The following PIN4 variants were observed in gnomAD, a reference collection of about 807,000 sequenced individuals.
The protein encoded by PIN4 is peptidylprolyl cis/trans isomerase, NIMA-interacting 4.
In PIN4, 3 loss-of-function variants were observed where a neutral mutation model predicts 8.3. The observed-to-expected ratio is 0.36, with a 90% CI of 0.16 to 0.93. The LOEUF (loss-of-function observed/expected upper bound fraction) is 0.93, where lower values mean the gene tolerates loss of function less well. PIN4 is among the 40% of genes least tolerant of loss of function. The probability of loss-of-function intolerance (pLI) is 0.44; values close to 1 mark genes in which losing one functional copy is unlikely to be tolerated. For synonymous variants in PIN4, 18 were observed against 32.5 expected (o/e 0.55, Z 1.52); for missense variants, 75 against 100.6 (o/e 0.75, Z 1.09).
At chrX:72,249,332 A>T (rs2043078535) in intron 3 of PIN4, among the ~76,000 whole-genome samples, 1 of 112,627 alleles carries the variant, frequency 8.9e-6, no homozygotes, top group African/African-American at 3.2e-5. Context: ...AAGATATGGA[A>T]CAACTGTAAG....
At chrX:72,199,483 A>G (rs909026059), downstream of PIN4, among the ~76,000 whole-genome samples, 3 of 112,174 alleles carry the variant, frequency 2.7e-5, no homozygotes, top group Non-Finnish European at 5.6e-5. Flanking sequence ...TGCTGCAATG[A>G]GCTGAGATTA....
intron 2 of PIN4, among the ~76,000 whole-genome samples, chrX:72,192,079 G>A (rs2042738193): frequency 2.7e-5 from 3 of 110,703 alleles, no homozygotes; most frequent in Non-Finnish European, 5.7e-5. Context: ...AGCCTCCCGA[G>A]TAGCTGGGAT....
downstream of PIN4, among the ~76,000 whole-genome samples, chrX:72,201,982 G>T (rs1308505538): frequency 8.9e-6 from 1 of 112,683 alleles, no homozygotes; most frequent in Non-Finnish European, 1.9e-5. Context: ...GGATTCCATT[G>T]GTTACTTGGG....
At chrX:72,194,629 G>GA (rs1206579835) in intron 2 of PIN4, among the ~76,000 whole-genome samples, 1 of 105,929 alleles carries the variant, frequency 9.4e-6, no homozygotes, top group Non-Finnish European at 1.9e-5. Context: ...TTGAACTAAG[G>GA]AGGGGGAGGT....
At chrX:72,183,615 A>C (rs1485951473) in intron 1 of PIN4, among the ~76,000 whole-genome samples, 1 of 112,134 alleles carries the variant, frequency 8.9e-6, no homozygotes, top group Non-Finnish European at 1.9e-5. Context: ...CAGAAGCCAG[A>C]TTACCGTGAC....
intron 2 of PIN4, 28 bp from the exon 3 acceptor site, chrX:72,196,757 A>G: frequency 1.7e-6 from 2 of 1,187,589 alleles, no homozygotes; most frequent in Non-Finnish European, 1.1e-6. Flanking sequence ...GTCTCCAAGT[A>G]TTACATGAAT....
In PIN4 at chrX:72,188,400, C is replaced by T. The variant is rs142517043; in HGVS notation, c.117+1866C>T. On this transcript the variant is annotated intron_variant, in intron 2 of 3. Transcript: ENST00000373669. ...GAGACGGAGTTTCACTCTTGTTGTC[C>T]AGGCTGGAGTGCAATGGCACGATCT... Among the ~76,000 whole-genome samples, 926 of 111,182 alleles carry T rather than the reference C, an allele frequency of 8.3e-3. 8 individuals are homozygous for T. The highest frequency in any genetic ancestry group is 0.029 in the African/African-American group (883 of 30,586).
chrX:72,237,075 T>C (rs1261545708), intron 3 of PIN4, among the ~76,000 whole-genome samples: 1 of 112,475 alleles, frequency 8.9e-6, no homozygotes, highest in African/African-American at 3.2e-5. Context: ...TGAATGGCAA[T>C]TTTAAATACA....
Position 72,198,340 on chromosome X carries a change from A to G in PIN4, c.*814A>G. 1 of 735,728 alleles carries G rather than the reference A, an allele frequency of 1.4e-6. No individual in the cohort carries two copies. Among genetic ancestry groups the G allele is most frequent in the African/African-American group, 2.3e-5 (1 of 43,636 alleles). 60.6% of individuals were successfully genotyped at this position (735,728 alleles called of 1,213,427 possible). A position where few individuals can be genotyped will look rare whatever the true frequency, so the allele number is the denominator to read the frequency against. On this transcript the variant is annotated 3_prime_UTR_variant, in exon 4 of 4. Coordinates refer to ENST00000373669, the MANE Select transcript of PIN4 (RefSeq NM_006223.4). Reference sequence around the variant, plus strand: ...TTCAAAAATAAAACTTTGCCAACACAGCTATGTGATTCTTAACAGATTATT... The same window carrying G: ...TTCAAAAATAAAACTTTGCCAACACGGCTATGTGATTCTTAACAGATTATT...
intron 3 of PIN4, among the ~76,000 whole-genome samples, chrX:72,232,445 G>A (rs370061975): frequency 8.0e-4 from 80 of 100,378 alleles, no homozygotes; most frequent in African/African-American, 3.0e-3. Flanking sequence ...AAAAGACATG[G>A]CATTCCAACA....
intron 2 of PIN4, among the ~76,000 whole-genome samples, chrX:72,189,663 T>G (rs996206293): frequency 2.7e-5 from 3 of 112,010 alleles, no homozygotes; most frequent in African/African-American, 9.8e-5. Flanking sequence ...ATGCTCATTA[T>G]AGCATTTCAG....
At chrX:72,207,273 A>C in intron 3 of PIN4, 1 of 1,210,826 alleles carries the variant, frequency 8.3e-7, no homozygotes. Context: ...TAAAGTGCCT[A>C]TTCTTTAAGA....
At position 72,181,811 on chromosome X, in the gene PIN4, C is replaced by G. The variant is rs919695845; in HGVS notation, c.26C>G (p.Ser9Cys). The G allele has an allele frequency of 1.7e-6, 2 of 1,169,205 alleles. No homozygotes were observed. Among genetic ancestry groups the G allele is most frequent in the Middle Eastern group, 2.5e-4 (1 of 4,060 alleles). Residue 9 changes from serine (S) to cysteine (C), a missense_variant, in exon 1 of 4, where the codon TCT (serine) becomes TGT (cysteine). Coordinates refer to ENST00000373669, the MANE Select transcript of PIN4 (RefSeq NM_006223.4). The part of the protein sequence containing the change: MPPKGKSG[S>C]GKAGKGGAAS... ...ATGCCGCCCAAAGGAAAAAGTGGTT[C>G]TGGAAAAGCGGGGAAAGGTAGAGCG...
intron 2 of PIN4, among the ~76,000 whole-genome samples, chrX:72,194,426 G>C (rs2042752954): frequency 9.0e-6 from 1 of 110,944 alleles, no homozygotes; most frequent in African/African-American, 3.3e-5. Flanking sequence ...CCAGCTATTA[G>C]GGAGGCTGAG....
chrX:72,194,190 A>G (rs1336640203), intron 2 of PIN4, among the ~76,000 whole-genome samples: 2 of 111,030 alleles, frequency 1.8e-5, no homozygotes, highest in African/African-American at 6.6e-5. Context: ...ACTTGAGGTC[A>G]GGAGTTCGAG....
chrX:72,209,135 T>C (rs756644450), intron 3 of PIN4, among the ~76,000 whole-genome samples: 5 of 111,626 alleles, frequency 4.5e-5, no homozygotes, highest in Non-Finnish European at 7.5e-5. Context: ...ACGAGATTCC[T>C]ATAGATTCCT....
chrX:72,200,549 A>G (rs2042786375), downstream of PIN4, among the ~76,000 whole-genome samples: 1 of 112,312 alleles, frequency 8.9e-6, no homozygotes, highest in South Asian at 3.7e-4. Flanking sequence ...AATCATATGT[A>G]TAAAAGATAC....
downstream of PIN4, among the ~76,000 whole-genome samples, chrX:72,201,012 C>G (rs2042787888): frequency 9.0e-6 from 1 of 111,190 alleles, no homozygotes; most frequent in African/African-American, 3.3e-5. Context: ...CCAGCCTGGG[C>G]AACATAGTGA....
intron 3 of PIN4, among the ~76,000 whole-genome samples, chrX:72,258,962 A>AT (rs397961947): frequency 2.7e-5 from 3 of 110,968 alleles, no homozygotes; most frequent in African/African-American, 6.6e-5. Flanking sequence ...AATAAAAAAA[A>AT]TTTTTTTACA....
Sources: gnomAD v4.1 joint callset for allele counts (sites outside exome capture counted in the v4.1 genomes callset) on GRCh38, gnomAD v4.1.1 for gene constraint, MANE v1.5 for transcripts, NCBI Gene and HGNC (gene_info 2026-07-23, HGNC 2026-07-21) for gene names.